KANK1: variants seen among roughly 807,000 people sequenced by gnomAD.
KANK1 encodes KN motif and ankyrin repeat domain-containing protein 1.
A neutral mutation model predicts 106.2 loss-of-function variants in KANK1; 109 were observed. The observed-to-expected ratio is 1.03, with a 90% CI of 0.88 to 1.20. The LOEUF (loss-of-function observed/expected upper bound fraction) is 1.20, where lower values mean the gene tolerates loss of function less well. Among genes scored for constraint, KANK1 ranks in the 50% most tolerant of loss-of-function variants. The pLI, the probability that KANK1 is intolerant of heterozygous loss-of-function variation, is 0.00. For synonymous variants in KANK1, 873 were observed against 652.2 expected (o/e 1.34, Z -5.16); for missense variants, 2,399 against 1,710.7 (o/e 1.40, Z -7.10).
intron 3 of KANK1, among the ~76,000 whole-genome samples, chr9:484,890 C>T (rs2058264996): frequency 6.6e-6 from 1 of 151,272 alleles, no homozygotes; most frequent in South Asian, 2.1e-4. Context: ...ATTCATCCCA[C>T]CTTCATTGCA....
intron 1 of KANK1, among the ~76,000 whole-genome samples, chr9:546,607 G>A (rs2060943278): frequency 6.6e-6 from 1 of 151,952 alleles, no homozygotes. Context: ...TACTCATCAT[G>A]TTATAGGTTT....
intron 1 of KANK1, among the ~76,000 whole-genome samples, chr9:589,908 C>T (rs1392715991): frequency 6.6e-6 from 1 of 152,170 alleles, no homozygotes; most frequent in African/African-American, 2.4e-5. Context: ...AACGTCTGGG[C>T]TCCAAGTCGA....
intron 1 of KANK1, among the ~76,000 whole-genome samples, chr9:542,551 A>G (rs1386511839): frequency 6.6e-6 from 1 of 152,312 alleles, no homozygotes; most frequent in South Asian, 2.1e-4. Context: ...CAGCAATCCT[A>G]CTTCTGGGTA....
rs755233019 is a variant in KANK1 at position 523,910 on chromosome 9, C to T, written c.-84+19156C>T. On this transcript the variant is annotated intron_variant, in intron 1 of 11. Transcript: ENST00000382297. The stretch of plus-strand genomic sequence containing the variant: ...ATTTTCAGCATATCCCAGTAGAATA[C>T]GGGCTTTTCCAGGGCAGGAACCTTT... Among the ~76,000 whole-genome samples, 105 of 151,366 alleles carry T rather than the reference C, an allele frequency of 6.9e-4. 1 individual carries two copies. Among genetic ancestry groups the T allele is most frequent in the Non-Finnish European group, 3.1e-4 (21 of 67,992 alleles).
intron 1 of KANK1, among the ~76,000 whole-genome samples, chr9:584,222 T>C (rs1232842816): frequency 6.6e-6 from 1 of 152,208 alleles, no homozygotes; most frequent in African/African-American, 2.4e-5. Flanking sequence ...ACAGAATTTC[T>C]ATCAGAATAA....
At chr9:511,294 T>A (rs1488377228) in intron 1 of KANK1, among the ~76,000 whole-genome samples, 1 of 152,186 alleles carries the variant, frequency 6.6e-6, no homozygotes, top group Non-Finnish European at 1.5e-5. Context: ...GTCATAGGCT[T>A]GGAGACCCAG....
At chr9:705,021 C>T (rs1028365336) in intron 2 of KANK1, among the ~76,000 whole-genome samples, 5 of 130,668 alleles carry the variant, frequency 3.8e-5, no homozygotes, top group African/African-American at 1.4e-4. Flanking sequence ...AAAAAAAGAG[C>T]AATACCCACG....
chr9:503,036 A>C (rs2058592364), upstream of KANK1, among the ~76,000 whole-genome samples: 1 of 138,090 alleles, frequency 7.2e-6, no homozygotes, highest in African/African-American at 2.7e-5. Flanking sequence ...TTTGGTGAAA[A>C]CAGAATTTCA....
At chr9:643,098 T>C (rs1243782352) in intron 1 of KANK1, among the ~76,000 whole-genome samples, 1 of 150,782 alleles carries the variant, frequency 6.6e-6, no homozygotes, top group African/African-American at 2.5e-5. Context: ...CAGATCACCA[T>C]TTGGAAAGAT....
chr9:644,446 C>G (rs1839204370), intron 1 of KANK1, among the ~76,000 whole-genome samples: 1 of 150,868 alleles, frequency 6.6e-6, no homozygotes, highest in African/African-American at 2.5e-5. Flanking sequence ...TTCCGCAGGC[C>G]AGGAAGCATG....
At chr9:667,773 C>A (rs1346455131) in intron 1 of KANK1, among the ~76,000 whole-genome samples, 1 of 149,498 alleles carries the variant, frequency 6.7e-6, no homozygotes, top group Non-Finnish European at 1.5e-5. Flanking sequence ...TGGAGTCTCC[C>A]TCTGTCATCC....
At chr9:587,270 G>C (rs115249073) in intron 1 of KANK1, among the ~76,000 whole-genome samples, 3,786 of 136,636 alleles carry the variant, frequency 0.028, 165 homozygotes, top group African/African-American at 0.092. Context: ...GACTGCTCTT[G>C]ATCTACAAAT....
intron 1 of KANK1, among the ~76,000 whole-genome samples, chr9:536,566 T>A (rs765295194): frequency 1.3e-5 from 2 of 152,152 alleles, no homozygotes; most frequent in Non-Finnish European, 2.9e-5. Flanking sequence ...GCAAATTTAG[T>A]CCCTTTTACG....
At chr9:618,643 A>G (rs1461996750) in intron 1 of KANK1, among the ~76,000 whole-genome samples, 2 of 152,212 alleles carry the variant, frequency 1.3e-5, no homozygotes, top group Admixed American at 1.3e-4. Context: ...TCACTGCTTC[A>G]CATGCACAGT....
intron 1 of KANK1, among the ~76,000 whole-genome samples, chr9:510,402 A>G (rs531049384): frequency 6.6e-6 from 1 of 152,214 alleles, no homozygotes; most frequent in African/African-American, 2.4e-5. Context: ...GTTAGGCAAA[A>G]TTCTTACACA....
chr9:601,493 GT>G (rs1175796728), intron 1 of KANK1, among the ~76,000 whole-genome samples: 1 of 151,500 alleles, frequency 6.6e-6, no homozygotes, highest in Non-Finnish European at 1.5e-5. Flanking sequence ...GTTTCCTAGT[GT>G]TTACCTTTAA....
At chr9:676,637 A>G (rs1019977860) in intron 1 of KANK1, among the ~76,000 whole-genome samples, 3 of 152,206 alleles carry the variant, frequency 2.0e-5, no homozygotes, top group African/African-American at 4.8e-5. Context: ...TCTCATTTCT[A>G]GAGAACCAAT....
chr9:479,221 A>G (rs544853472), intron 3 of KANK1, among the ~76,000 whole-genome samples: 35 of 152,342 alleles, frequency 2.3e-4, no homozygotes, highest in East Asian at 5.8e-4. Flanking sequence ...CTGGTTACCA[A>G]TGTTAACAGA....
chr9:558,033 A>G (rs1297289796), intron 1 of KANK1, among the ~76,000 whole-genome samples: 2 of 152,180 alleles, frequency 1.3e-5, no homozygotes, highest in African/African-American at 4.8e-5. Flanking sequence ...TATACGAACA[A>G]TGGTAGGAAT....
Sources: gnomAD v4.1 joint callset for allele counts (sites outside exome capture counted in the v4.1 genomes callset) on GRCh38, gnomAD v4.1.1 for gene constraint, MANE v1.5 for transcripts, NCBI Gene and HGNC (gene_info 2026-07-23, HGNC 2026-07-21) for gene names.